Variants in TMPRSS11D observed in about 807,000 individuals in gnomAD.
The protein encoded by TMPRSS11D is transmembrane serine protease 11D, also known as transmembrane protease serine 11D.
A neutral mutation model predicts 44.4 loss-of-function variants in TMPRSS11D; 32 were observed. The ratio of observed to expected loss-of-function variants is 0.72; its 90% confidence interval spans 0.54 to 0.97. The LOEUF (loss-of-function observed/expected upper bound fraction) is 0.97, where lower values mean the gene tolerates loss of function less well. Ranked by LOEUF, TMPRSS11D falls within the 50% of genes least tolerant of loss-of-function variation. The probability of loss-of-function intolerance (pLI) is 0.00; values close to 1 mark genes in which losing one functional copy is unlikely to be tolerated. For missense variants in TMPRSS11D, 446 were observed against 502.6 expected, an observed-to-expected ratio of 0.89 and a Z score of 1.08; for synonymous variants, 179 against 177.9, an observed-to-expected ratio of 1.01 and a Z score of -0.05.
chr4:67,879,817 C>T (rs1350419278), intron 1 of TMPRSS11D, among the ~76,000 whole-genome samples: 1 of 152,132 alleles, frequency 6.6e-6, no homozygotes, highest in Non-Finnish European at 1.5e-5. Context: ...TTTCTAGGAA[C>T]ATATCCAAGA....
intron 7 of TMPRSS11D, among the ~76,000 whole-genome samples, chr4:67,828,719 G>A (rs1717867217): frequency 6.6e-6 from 1 of 152,086 alleles, no homozygotes; most frequent in South Asian, 2.1e-4. Flanking sequence ...TGTAACAGAA[G>A]ATGAAATATG....
intron 2 of TMPRSS11D, among the ~76,000 whole-genome samples, chr4:67,858,431 G>A (rs1718710300): frequency 6.6e-6 from 1 of 152,128 alleles, no homozygotes; most frequent in African/African-American, 2.4e-5. Context: ...CACCTTAGGG[G>A]TAGGTGACTC....
At chr4:67,824,668 T>G (rs1340501145) in intron 9 of TMPRSS11D, among the ~76,000 whole-genome samples, 1 of 152,146 alleles carries the variant, frequency 6.6e-6, no homozygotes, top group East Asian at 1.9e-4. Context: ...ATTGGGGGCT[T>G]TCCATGAAAT....
At chr4:67,856,425 C>T (rs967895569) in intron 2 of TMPRSS11D, among the ~76,000 whole-genome samples, 1 of 152,130 alleles carries the variant, frequency 6.6e-6, no homozygotes, top group African/African-American at 2.4e-5. Flanking sequence ...ATTGGATATC[C>T]ATTTGCAGAA....
intron 7 of TMPRSS11D, among the ~76,000 whole-genome samples, chr4:67,828,110 A>G (rs1314253179): frequency 6.6e-6 from 1 of 151,954 alleles, no homozygotes; most frequent in African/African-American, 2.4e-5. Flanking sequence ...TTGAAAATGT[A>G]TATTATAAAC....
chr4:67,837,878 A>G (rs1718135512), intron 5 of TMPRSS11D, among the ~76,000 whole-genome samples: 2 of 152,152 alleles, frequency 1.3e-5, no homozygotes, highest in Non-Finnish European at 2.9e-5. Flanking sequence ...TACCCCTCCT[A>G]TGGCCTATCC....
At chr4:67,849,892 G>A (rs967700024) in intron 3 of TMPRSS11D, among the ~76,000 whole-genome samples, 2 of 152,068 alleles carry the variant, frequency 1.3e-5, no homozygotes, top group African/African-American at 2.4e-5. Flanking sequence ...CCTTTGATGC[G>A]TTTCTTAATC....
chr4:67,839,197 TA>T (rs1032166220), intron 4 of TMPRSS11D: 1 of 152,146 alleles, frequency 6.6e-6, no homozygotes, highest in African/African-American at 2.4e-5. Flanking sequence ...AAATGTTAGA[TA>T]AACAACTTCT....
In TMPRSS11D at chr4:67,825,868, G is replaced by A; in HGVS notation, c.959C>T (p.Thr320Ile). The A allele has an allele frequency of 6.2e-7, 1 of 1,608,724 alleles. No individual in the cohort carries two copies. The highest frequency in any genetic ancestry group is 8.5e-7 in the Non-Finnish European group (1 of 1,176,810). ...CTGTCCTTGCCTTAGCTCTGGAACT[G>A]TGTGGCCTGTTTGTTATAAAAGCAG... ...GWGAQEYAGH[T>I]VPELRQGQVR... The change falls in exon 9 of 10, where the codon ACA becomes ATA. Residue 320 changes from threonine to isoleucine, a missense_variant. Thr to Ile is a moderately conservative substitution (Grantham distance 89, BLOSUM62 -1). Coordinates refer to ENST00000283916, the MANE Select transcript of TMPRSS11D (RefSeq NM_004262.3).
At chr4:67,862,885 C>T (rs1266585330) in intron 1 of TMPRSS11D, among the ~76,000 whole-genome samples, 2 of 151,008 alleles carry the variant, frequency 1.3e-5, no homozygotes, top group Non-Finnish European at 3.0e-5. Flanking sequence ...GGGAGGGGAA[C>T]ATCACACACC....
Position 67,878,218 on chromosome 4 carries a change from C to A in TMPRSS11D, c.8+5708G>T, listed in dbSNP as rs567575652. 8.5e-5 allele frequency among the ~76,000 whole-genome samples: 13 copies of A among 152,280 alleles called. 1 individual carries two copies. The highest frequency in any genetic ancestry group is 2.9e-4 in the African/African-American group (12 of 41,548). On this transcript the variant is annotated intron_variant, in intron 1 of 9. Transcript: ENST00000283916. ...GAGAAGTCTTCCATGAGCTTCTAGACTGGTTTAGTTTTCACTATTATAATA... is the reference window on the plus strand; with the variant it reads ...GAGAAGTCTTCCATGAGCTTCTAGAATGGTTTAGTTTTCACTATTATAATA...
At position 67,837,132 on chromosome 4, in the gene TMPRSS11D, T is replaced by G. The variant is rs560337059; in HGVS notation, c.475+1040A>C. 1.3e-5 allele frequency among the ~76,000 whole-genome samples: 2 copies of G among 152,258 alleles called. 1 individual carries two copies. The highest frequency in any genetic ancestry group is 4.1e-4 in the South Asian group (2 of 4,824). ...GGGCTCTGGAGGTGGAAACCGCTATTCTGTGACCATCGTATCACCATATTG... is the reference window on the plus strand; with the variant it reads ...GGGCTCTGGAGGTGGAAACCGCTATGCTGTGACCATCGTATCACCATATTG... On this transcript the variant is annotated intron_variant, in intron 5 of 9. Transcript: ENST00000283916.
intron 1 of TMPRSS11D, 48 bp downstream of exon 1, chr4:67,883,878 A>T: frequency 6.6e-7 from 1 of 1,509,814 alleles, no homozygotes; most frequent in Non-Finnish European, 9.1e-7. Flanking sequence ...CCCATACTGT[A>T]AGATATAGTA....
At chr4:67,837,606 ATTTCT>A in intron 5 of TMPRSS11D, among the ~76,000 whole-genome samples, 1 of 152,194 alleles carries the variant, frequency 6.6e-6, no homozygotes, top group Admixed American at 6.6e-5. Context: ...TGCATATATT[ATTTCT>A]TTTCTTTCAG....
chr4:67,875,219 TG>T (rs1280394291), intron 1 of TMPRSS11D, among the ~76,000 whole-genome samples: 1 of 152,178 alleles, frequency 6.6e-6, no homozygotes, highest in Non-Finnish European at 1.5e-5. Flanking sequence ...TTACGAAAGA[TG>T]TTGCACATAT....
intron 1 of TMPRSS11D, among the ~76,000 whole-genome samples, chr4:67,872,654 T>A (rs1455069314): frequency 6.6e-6 from 1 of 152,236 alleles, no homozygotes; most frequent in Admixed American, 6.5e-5. Context: ...TTAATGATTG[T>A]TAACTTAGTG....
chr4:67,859,787 G>T, intron 1 of TMPRSS11D, 109 bp from the exon 2 acceptor site: 1 of 1,407,716 alleles, frequency 7.1e-7, no homozygotes, highest in Non-Finnish European at 9.6e-7. Context: ...CTGGGACATG[G>T]CTCTAGCCAT....
At chr4:67,823,053 T>C (rs980232968) in intron 9 of TMPRSS11D, among the ~76,000 whole-genome samples, 1 of 152,174 alleles carries the variant, frequency 6.6e-6, no homozygotes, top group Admixed American at 6.6e-5. Context: ...CAATGTCTGT[T>C]TTCCCAGATA....
intron 1 of TMPRSS11D, among the ~76,000 whole-genome samples, chr4:67,876,841 G>A (rs2109704909): frequency 6.6e-6 from 1 of 152,154 alleles, no homozygotes; most frequent in African/African-American, 2.4e-5. Context: ...TTTTTTAATT[G>A]CCAAATAATT....
Sources: gnomAD v4.1 joint callset for allele counts (sites outside exome capture counted in the v4.1 genomes callset) on GRCh38, gnomAD v4.1.1 for gene constraint, MANE v1.5 for transcripts, NCBI Gene and HGNC (gene_info 2026-07-23, HGNC 2026-07-21) for gene names.